The following OSBPL10 variants were observed in gnomAD, a reference collection of about 807,000 sequenced individuals.
OSBPL10 encodes oxysterol-binding protein-related protein 10.
OSBPL10 carries 49 observed loss-of-function variants against 81.7 expected under a neutral mutation model. That is an observed-to-expected ratio of 0.60 (90% CI 0.48 to 0.76). The LOEUF (loss-of-function observed/expected upper bound fraction) is 0.76. Ranked by LOEUF, OSBPL10 falls within the 30% of genes least tolerant of loss-of-function variation. OSBPL10 has a pLI of 0.00. For synonymous variants in OSBPL10, 419 were observed against 383.6 expected (o/e 1.09, Z -1.08); for missense variants, 923 against 987.8 (o/e 0.93, Z 0.88).
intron 2 of OSBPL10, among the ~76,000 whole-genome samples, chr3:32,038,459 T>C (rs1244202562): frequency 6.6e-6 from 1 of 152,176 alleles, no homozygotes; most frequent in African/African-American, 2.4e-5. Context: ...GTAGCTGGGA[T>C]TACAGGCGTG....
At chr3:32,031,589 G>A (rs571893505) in intron 2 of OSBPL10, among the ~76,000 whole-genome samples, 1 of 151,966 alleles carries the variant, frequency 6.6e-6, no homozygotes, top group South Asian at 2.1e-4. Context: ...AGCCTCCCAA[G>A]TAGCTGGGAC....
At chr3:31,908,315 G>A (rs1220751638) in intron 1 of OSBPL10, among the ~76,000 whole-genome samples, 2 of 152,316 alleles carry the variant, frequency 1.3e-5, no homozygotes, top group South Asian at 2.1e-4. Context: ...GCTCACTCTA[G>A]AATGATGCTT....
intron 2 of OSBPL10, among the ~76,000 whole-genome samples, chr3:32,008,639 A>G (rs1348511206): frequency 2.0e-5 from 3 of 151,748 alleles, no homozygotes; most frequent in Admixed American, 6.6e-5. Context: ...AGTCCTGGCT[A>G]CTGGGGAGGC....
intron 3 of OSBPL10, among the ~76,000 whole-genome samples, chr3:31,864,285 G>A (rs1559496933): frequency 6.6e-6 from 1 of 152,148 alleles, no homozygotes; most frequent in Non-Finnish European, 1.5e-5. Flanking sequence ...TGCCCAGGCT[G>A]GAGTTGGAAT....
Position 31,661,238 on chromosome 3 carries a change from G to A in OSBPL10, c.*834C>T, listed in dbSNP as rs1700065865. The A allele has an allele frequency of 2.0e-5, 3 of 152,540 alleles. No homozygotes were observed. The highest frequency in any genetic ancestry group is 2.0e-4 in the Admixed American group (3 of 15,282). 9.4% of individuals were successfully genotyped at this position (152,540 alleles called of 1,614,324 possible). On this transcript the variant is annotated 3_prime_UTR_variant, in exon 12 of 12. Transcript: ENST00000396556. ...TAAATACAAGATTGAGGCTGTGGTT[G>A]TGCATGTTTTCATGTGCATGCATGT...
chr3:31,922,276 G>A (rs574120636), intron 1 of OSBPL10, among the ~76,000 whole-genome samples: 2 of 152,354 alleles, frequency 1.3e-5, no homozygotes, highest in East Asian at 3.9e-4. Context: ...TAGAGAAACT[G>A]TGGGAGTTGG....
At chr3:31,662,426 GA>G (rs1271518261) in intron 11 of OSBPL10, 1 of 1,111,558 alleles carries the variant, frequency 9.0e-7, no homozygotes, top group African/African-American at 1.6e-5. Flanking sequence ...TGGGACAAGA[GA>G]AAAGGAGAGT....
At chr3:31,867,455 A>G (rs1199521228) in intron 3 of OSBPL10, among the ~76,000 whole-genome samples, 1 of 152,176 alleles carries the variant, frequency 6.6e-6, no homozygotes, top group Non-Finnish European at 1.5e-5. Flanking sequence ...CAAGAACAGG[A>G]CACAGGCGGG....
intron 2 of OSBPL10, among the ~76,000 whole-genome samples, chr3:32,000,430 G>A (rs903054363): frequency 5.3e-5 from 8 of 152,086 alleles, no homozygotes; most frequent in Non-Finnish European, 1.0e-4. Context: ...TCTCCTTAAC[G>A]GTCATATGAA....
intron 8 of OSBPL10, among the ~76,000 whole-genome samples, chr3:31,676,418 A>C (rs1378226816): frequency 1.3e-5 from 2 of 152,112 alleles, no homozygotes; most frequent in Non-Finnish European, 2.9e-5. Context: ...AACATCAAAT[A>C]ATCAATCCTT....
At chr3:31,973,962 G>T (rs576772571) in intron 1 of OSBPL10, among the ~76,000 whole-genome samples, 2 of 152,320 alleles carry the variant, frequency 1.3e-5, no homozygotes, top group African/African-American at 4.8e-5. Context: ...ACAAACTGTG[G>T]TATATCCACA....
chr3:31,934,208 G>T (rs1697324496), intron 1 of OSBPL10, among the ~76,000 whole-genome samples: 1 of 150,190 alleles, frequency 6.7e-6, no homozygotes, highest in Non-Finnish European at 1.5e-5. Flanking sequence ...GGTGATGCCT[G>T]TCTGTGGTAA....
chr3:31,804,138 T>C (rs1214736873), intron 4 of OSBPL10, among the ~76,000 whole-genome samples: 8 of 152,176 alleles, frequency 5.3e-5, no homozygotes, highest in Admixed American at 5.2e-4. Context: ...TTTCCCTCAT[T>C]ATTCTACATT....
chr3:31,825,269 CT>C (rs1700072269), intron 4 of OSBPL10, among the ~76,000 whole-genome samples: 1 of 152,160 alleles, frequency 6.6e-6, no homozygotes, highest in South Asian at 2.1e-4. Context: ...AGGAGACAGA[CT>C]GGAAACACAG....
chr3:31,714,407 G>C lies in OSBPL10; in HGVS notation c.1096-11899C>G, dbSNP rs563920064. On this transcript the variant is annotated intron_variant, in intron 6 of 11. Coordinates refer to ENST00000396556, the MANE Select transcript of OSBPL10 (RefSeq NM_017784.5). ...GCGCAGTAATCAGAGGGGAGGCAAG[G>C]AGCTGGCAGCAGGCAGGTAAGGAAG... Among the ~76,000 whole-genome samples, 3 of 152,288 alleles carry C rather than the reference G, an allele frequency of 2.0e-5. No homozygotes were observed. The East Asian group carries it at 5.8e-4, about 29-fold the overall frequency.
intron 3 of OSBPL10, among the ~76,000 whole-genome samples, chr3:31,859,154 A>C (rs928460059): frequency 6.6e-6 from 1 of 152,166 alleles, no homozygotes; most frequent in South Asian, 2.1e-4. Flanking sequence ...AGGCACAGCC[A>C]GAAACCAGGT....
intron 1 of OSBPL10, among the ~76,000 whole-genome samples, chr3:32,076,452 C>T (rs1699877366): frequency 2.6e-5 from 4 of 152,000 alleles, no homozygotes; most frequent in African/African-American, 9.7e-5. Flanking sequence ...TAAACAGCCT[C>T]GTTGCTCACA....
intron 6 of OSBPL10, among the ~76,000 whole-genome samples, chr3:31,711,788 C>T (rs1217416306): frequency 6.6e-6 from 1 of 152,186 alleles, no homozygotes; most frequent in Admixed American, 6.5e-5. Context: ...CAGTGACATA[C>T]ACCTGTAAAT....
intron 4 of OSBPL10, among the ~76,000 whole-genome samples, chr3:31,750,160 C>G (rs138228185): frequency 0.06 from 9,094 of 152,018 alleles, 827 homozygotes; most frequent in African/African-American, 0.2. Flanking sequence ...CCAGCCTGGG[C>G]GACAGAGCAA....
Sources: gnomAD v4.1 joint callset for allele counts (sites outside exome capture counted in the v4.1 genomes callset) on GRCh38, gnomAD v4.1.1 for gene constraint, MANE v1.5 for transcripts, NCBI Gene and HGNC (gene_info 2026-07-23, HGNC 2026-07-21) for gene names.